The following TNRC6C variants were observed in gnomAD, a reference collection of about 807,000 sequenced individuals.
TNRC6C encodes the protein trinucleotide repeat containing adaptor 6C.
TNRC6C carries 20 observed loss-of-function variants against 153.7 expected under a neutral mutation model. That is an observed-to-expected ratio of 0.13 (90% CI 0.09 to 0.19). The LOEUF is 0.19. Ranked by LOEUF, TNRC6C falls within the 10% of genes least tolerant of loss-of-function variation. TNRC6C has a pLI of 1.00. For missense variants in TNRC6C, 1,987 were observed against 2,172.0 expected (o/e 0.91, Z 1.69); for synonymous variants, 811 against 841.4 (o/e 0.96, Z 0.63).
chr17:78,077,459 A>C, intron 9 of TNRC6C, 125 bp downstream of exon 11: 1 of 1,256,084 alleles, frequency 8.0e-7, no homozygotes, highest in Non-Finnish European at 1.1e-6. Flanking sequence ...CTGAAAAAGT[A>C]GTTGAAATAC....
intron 1 of TNRC6C, among the ~76,000 whole-genome samples, chr17:77,992,198 T>A (rs2071261469): frequency 6.6e-6 from 1 of 152,182 alleles, no homozygotes; most frequent in Non-Finnish European, 1.5e-5. Context: ...CTAAGTTTTA[T>A]CTTAAGATTA....
intron 2 of TNRC6C, among the ~76,000 whole-genome samples, chr17:78,038,614 G>C (rs2143817388): frequency 6.6e-6 from 1 of 150,890 alleles, no homozygotes; most frequent in Admixed American, 6.6e-5. Flanking sequence ...GGGAGGCGGA[G>C]CTTGCAGTGA....
intron 3 of TNRC6C, among the ~76,000 whole-genome samples, chr17:78,063,992 GA>G (rs1181616610): frequency 1.3e-5 from 2 of 152,164 alleles, no homozygotes; most frequent in Non-Finnish European, 2.9e-5. Context: ...ATGTTTAATG[GA>G]CTTTTAAAGT....
intron 1 of TNRC6C, among the ~76,000 whole-genome samples, chr17:77,977,516 C>A (rs1413789235): frequency 3.2e-4 from 49 of 152,120 alleles, no homozygotes. Context: ...CTTTTTAGTT[C>A]AGAAGGGAAC....
chr17:78,049,969 C>A lies in TNRC6C; in HGVS notation c.907C>A (p.Pro303Thr). 5 of 1,614,054 alleles carry A rather than the reference C, an allele frequency of 3.1e-6. No individual in the cohort carries two copies. The highest frequency in any genetic ancestry group is 4.2e-6 in the Non-Finnish European group (5 of 1,179,888). ...AGGAAATGCTTGGGATTCAGGACCT[C>A]CTGCTGGTCCTGGAATACTCGCCTG... Residue 303 changes from proline (P) to threonine (T), a missense_variant, in exon 3 of 20, where the codon CCT becomes ACT. By Grantham distance (38) the Pro-to-Thr change is conservative (BLOSUM62 -1). Around this residue, in one of 4 missense-constraint regions of TNRC6C, gnomAD observed 1,052 missense variants for 1,017.0 expected, o/e 1.03. Transcript: ENST00000301624. This position sits in a 1 kb window ranked among gnomAD's most constrained non-coding sequence, Gnocchi z 4.1.
chr17:78,075,404 AT>A lies in TNRC6C; in HGVS notation c.3060+133del. 4.4e-6 allele frequency: 5 copies of A among 1,135,202 alleles called. No individual in the cohort carries two copies. Among genetic ancestry groups the A allele is most frequent in the African/African-American group, 3.1e-5 (2 of 63,808 alleles). 70.3% of individuals were successfully genotyped at this position (1,135,202 alleles called of 1,614,324 possible). A position where few individuals can be genotyped will look rare whatever the true frequency, so the allele number is the denominator to read the frequency against. On this transcript the variant is annotated intron_variant, in intron 8 of 19. Transcript: ENST00000301624. The surrounding 1 kb of genome is among the most constrained non-coding windows in gnomAD (Gnocchi z 4.2). ...TATAATACTTAAGTGACTTTTATCC[AT>A]TTTTTTCTAACATTATGAACATTTA...
intron 1 of TNRC6C, 21 bp downstream of exon 3, chr17:78,005,100 G>A: frequency 1.6e-6 from 2 of 1,228,834 alleles, no homozygotes; most frequent in Non-Finnish European, 1.0e-6. Context: ...TTATATTTAG[G>A]GGGGTACATT....
intron 13 of TNRC6C, among the ~76,000 whole-genome samples, chr17:78,088,523 T>C (rs2073337576): frequency 1.3e-5 from 2 of 152,104 alleles, no homozygotes; most frequent in Admixed American, 1.3e-4. Flanking sequence ...TACTGAGCCA[T>C]GCCTTAATTT....
At chr17:78,016,532 C>T (rs1427108318) in intron 1 of TNRC6C, among the ~76,000 whole-genome samples, 1 of 152,186 alleles carries the variant, frequency 6.6e-6, no homozygotes, top group Non-Finnish European at 1.5e-5. Context: ...ATTCATCTAG[C>T]GCCTAACACT....
chr17:78,067,479 T>A (rs904262220), intron 4 of TNRC6C, among the ~76,000 whole-genome samples: 5 of 152,188 alleles, frequency 3.3e-5, no homozygotes, highest in African/African-American at 1.2e-4. Context: ...GTTCTTAGCA[T>A]GTTTATGTTT....
exon 15 of TNRC6C, chr17:78,093,115 T>G: frequency 1.2e-6 from 2 of 1,612,674 alleles, no homozygotes; most frequent in Non-Finnish European, 8.5e-7. Flanking sequence ...TAGCATCAAC[T>G]GGCCCCCAGG....
chr17:78,016,821 G>A (rs749000530), intron 1 of TNRC6C, among the ~76,000 whole-genome samples: 5 of 152,096 alleles, frequency 3.3e-5, no homozygotes, highest in African/African-American at 7.2e-5. Context: ...CATTCTTTAC[G>A]TAGATTAGCA....
intron 16 of TNRC6C, among the ~76,000 whole-genome samples, chr17:78,095,435 G>A (rs1234108688): frequency 1.3e-5 from 2 of 152,216 alleles, no homozygotes; most frequent in East Asian, 3.9e-4. Flanking sequence ...CCAGCCCTGA[G>A]CCTAAGAACC....
chr17:78,041,055 C>T (rs1213340860), intron 2 of TNRC6C: 1 of 152,228 alleles, frequency 6.6e-6, no homozygotes, highest in East Asian at 1.9e-4. Flanking sequence ...TCGATGCAGG[C>T]GTAGAGGCAG....
At chr17:78,029,583 A>G (rs761647104) in intron 1 of TNRC6C, among the ~76,000 whole-genome samples, 8 of 152,220 alleles carry the variant, frequency 5.3e-5, no homozygotes, top group Admixed American at 3.3e-4. Flanking sequence ...GGCCTAGGAC[A>G]TGACTATACA....
chr17:77,993,998 A>G (rs950614385), intron 1 of TNRC6C, among the ~76,000 whole-genome samples: 2 of 151,570 alleles, frequency 1.3e-5, no homozygotes, highest in Non-Finnish European at 2.9e-5. Flanking sequence ...TTTGAGCCCA[A>G]CCTGGTCAAC....
At chr17:78,070,811 A>AC (rs2072979521) in intron 5 of TNRC6C, among the ~76,000 whole-genome samples, 1 of 152,188 alleles carries the variant, frequency 6.6e-6, no homozygotes, top group Non-Finnish European at 1.5e-5. Flanking sequence ...TTTGTGATAA[A>AC]CTAAATTAAT....
intron 1 of TNRC6C, among the ~76,000 whole-genome samples, chr17:77,990,927 C>G (rs551957120): frequency 6.6e-6 from 1 of 152,150 alleles, no homozygotes; most frequent in South Asian, 2.1e-4. Flanking sequence ...TTTTTAACAT[C>G]TCTGAAATTG....
chr17:78,065,597 C>T (rs545392718), intron 4 of TNRC6C, among the ~76,000 whole-genome samples: 1 of 152,148 alleles, frequency 6.6e-6, no homozygotes, highest in Non-Finnish European at 1.5e-5. Context: ...ATAGATAAAA[C>T]ATGTCATCTC....
Sources: allele counts gnomAD v4.1 joint callset (sites outside exome capture counted in the v4.1 genomes callset), GRCh38; gene constraint gnomAD v4.1.1; regional missense constraint gnomAD v4.1.1; non-coding constraint Gnocchi (gnomAD v3.1); transcripts MANE v1.5; gene names NCBI Gene and HGNC (gene_info 2026-07-23, HGNC 2026-07-21).